Variants in MAGI3 observed in about 807,000 individuals in gnomAD.
MAGI3 encodes the protein membrane associated guanylate kinase, WW and PDZ domain containing 3.
A neutral mutation model predicts 121.8 loss-of-function variants in MAGI3; 43 were observed. That is an observed-to-expected ratio of 0.35 (90% CI 0.28 to 0.46). The LOEUF is 0.46. Ranked by LOEUF, MAGI3 falls within the 20% of genes least tolerant of loss-of-function variation. The probability of loss-of-function intolerance (pLI) is 1.00; values close to 1 mark genes in which losing one functional copy is unlikely to be tolerated. For missense variants in MAGI3, 1,547 were observed against 1,797.3 expected (o/e 0.86, Z 2.52); for synonymous variants, 553 against 639.3 (o/e 0.86, Z 2.04).
chr1:113,409,008 G>T (rs1272322610), intron 1 of MAGI3, among the ~76,000 whole-genome samples: 1 of 151,944 alleles, frequency 6.6e-6, no homozygotes, highest in South Asian at 2.1e-4. Context: ...TGATAAAATT[G>T]ATCTATTTAT....
At chr1:113,442,329 T>C (rs1653958286) in intron 1 of MAGI3, among the ~76,000 whole-genome samples, 1 of 152,178 alleles carries the variant, frequency 6.6e-6, no homozygotes, top group Non-Finnish European at 1.5e-5. Flanking sequence ...TCATGCCGAT[T>C]AGTTAACAAT....
intron 1 of MAGI3, among the ~76,000 whole-genome samples, chr1:113,439,584 T>G (rs1653811982): frequency 2.0e-5 from 3 of 152,200 alleles, no homozygotes; most frequent in Non-Finnish European, 4.4e-5. Context: ...CCCTTGACTT[T>G]GAGCTCCGTG....
chr1:113,665,774 A>G (rs1392779558), intron 16 of MAGI3, among the ~76,000 whole-genome samples: 1 of 152,014 alleles, frequency 6.6e-6, no homozygotes, highest in African/African-American at 2.4e-5. Flanking sequence ...GTCTCAATAG[A>G]TTATAATGTT....
At chr1:113,399,057 T>C (rs998957766) in intron 1 of MAGI3, among the ~76,000 whole-genome samples, 12 of 88,650 alleles carry the variant, frequency 1.4e-4, no homozygotes, top group African/African-American at 4.4e-4. Flanking sequence ...AGCTAACTTC[T>C]GTTCTCAAGT....
At chr1:113,660,944 G>A (rs1653757753) in intron 16 of MAGI3, among the ~76,000 whole-genome samples, 1 of 151,848 alleles carries the variant, frequency 6.6e-6, no homozygotes, top group South Asian at 2.1e-4. Flanking sequence ...AAACGAATGA[G>A]TGAACAAAGT....
intron 1 of MAGI3, among the ~76,000 whole-genome samples, chr1:113,490,371 A>G (rs1656611089): frequency 6.6e-6 from 1 of 152,218 alleles, no homozygotes; most frequent in Non-Finnish European, 1.5e-5. Flanking sequence ...GCCTTACAAG[A>G]GCCCCTGAAA....
intron 6 of MAGI3, among the ~76,000 whole-genome samples, chr1:113,596,133 G>A (rs190236063): frequency 6.6e-6 from 1 of 152,030 alleles, no homozygotes; most frequent in Non-Finnish European, 1.5e-5. Flanking sequence ...GGAAGACATA[G>A]GGTACCAGAT....
At position 113,405,400 on chromosome 1, in the gene MAGI3, A is replaced by G. The variant is rs546052320; in HGVS notation, c.316+14051A>G. 3.4e-5 allele frequency among the ~76,000 whole-genome samples: 5 copies of G among 146,102 alleles called. No individual in the cohort carries two copies. The South Asian group carries it at 1.1e-3, about 32-fold the overall frequency. On this transcript the variant is annotated intron_variant, in intron 1 of 20. Transcript: ENST00000307546. ...AGGCTAAAGTGGGAGGATCACTTGAACCCAGGCAGGTCGAGGCTGCAGTGA... is the reference window on the plus strand; with the variant it reads ...AGGCTAAAGTGGGAGGATCACTTGAGCCCAGGCAGGTCGAGGCTGCAGTGA...
At chr1:113,600,522 G>A (rs557179917) in intron 6 of MAGI3, among the ~76,000 whole-genome samples, 1 of 152,282 alleles carries the variant, frequency 6.6e-6, no homozygotes, top group South Asian at 2.1e-4. Context: ...CAAGGGACAT[G>A]AAGGACCTCT....
chr1:113,605,900 A>AT (rs909660304), intron 6 of MAGI3, among the ~76,000 whole-genome samples: 23 of 149,508 alleles, frequency 1.5e-4, no homozygotes, highest in East Asian at 9.8e-4. Context: ...ACCCAGCCAG[A>AT]TTTTTTTTTT....
chr1:113,443,421 T>C (rs1011076256), intron 1 of MAGI3, among the ~76,000 whole-genome samples: 1 of 152,210 alleles, frequency 6.6e-6, no homozygotes, highest in Admixed American at 6.5e-5. Flanking sequence ...GAGCATACAC[T>C]AGGTTTTGGA....
intron 5 of MAGI3, among the ~76,000 whole-genome samples, chr1:113,593,033 A>C (rs1357706929): frequency 1.3e-5 from 2 of 151,996 alleles, no homozygotes; most frequent in Non-Finnish European, 2.9e-5. Flanking sequence ...AACAAACAAA[A>C]AAGTGTTTCT....
At chr1:113,544,203 A>G (rs1412348005) in intron 1 of MAGI3, among the ~76,000 whole-genome samples, 4 of 152,162 alleles carry the variant, frequency 2.6e-5, no homozygotes, top group Non-Finnish European at 4.4e-5. Context: ...TAATCTTACC[A>G]CTTTCATGGA....
At chr1:113,470,428 C>T (rs191398033) in intron 1 of MAGI3, among the ~76,000 whole-genome samples, 86 of 152,260 alleles carry the variant, frequency 5.6e-4, no homozygotes, top group African/African-American at 1.9e-3. Flanking sequence ...GTTTAGAAAA[C>T]TTCACAGTTA....
intron 2 of MAGI3, among the ~76,000 whole-genome samples, chr1:113,557,955 G>A (rs1336363187): frequency 3.3e-5 from 5 of 152,148 alleles, no homozygotes; most frequent in South Asian, 2.1e-4. Context: ...CCCCCAGCAC[G>A]CTCCAGCAGC....
chr1:113,602,398 T>G (rs1248297263), intron 6 of MAGI3, among the ~76,000 whole-genome samples: 1 of 152,126 alleles, frequency 6.6e-6, no homozygotes, highest in East Asian at 1.9e-4. Flanking sequence ...GATGGAAGTG[T>G]TAAAATTATT....
chr1:113,615,442 A>G (rs1457198079), intron 7 of MAGI3, among the ~76,000 whole-genome samples: 1 of 152,198 alleles, frequency 6.6e-6, no homozygotes, highest in Non-Finnish European at 1.5e-5. Flanking sequence ...TAGCAAAGAC[A>G]AAATGTTATT....
At chr1:113,659,586 G>A (rs1039738243) in intron 16 of MAGI3, among the ~76,000 whole-genome samples, 2 of 152,156 alleles carry the variant, frequency 1.3e-5, no homozygotes, top group Non-Finnish European at 2.9e-5. Context: ...TTAAGTCTTC[G>A]CTTAAGTGAG....
At chr1:113,442,136 A>C (rs1260775124) in intron 1 of MAGI3, among the ~76,000 whole-genome samples, 1 of 152,200 alleles carries the variant, frequency 6.6e-6, no homozygotes, top group Non-Finnish European at 1.5e-5. Flanking sequence ...AATTTAGTAG[A>C]GTAATAAACA....
Sources: allele counts gnomAD v4.1 joint callset (sites outside exome capture counted in the v4.1 genomes callset), GRCh38; gene constraint gnomAD v4.1.1; transcripts MANE v1.5; gene names NCBI Gene and HGNC (gene_info 2026-07-23, HGNC 2026-07-21).